TMEM132B: variants seen among roughly 807,000 people sequenced by gnomAD.
The protein encoded by TMEM132B is transmembrane protein 132B.
TMEM132B carries 18 observed loss-of-function variants against 90.8 expected under a neutral mutation model. The observed-to-expected ratio is 0.20, with a 90% CI of 0.14 to 0.29. TMEM132B has a LOEUF of 0.29. TMEM132B is among the 10% of genes least tolerant of loss of function. The pLI, the probability that TMEM132B is intolerant of heterozygous loss-of-function variation, is 1.00. For synonymous variants in TMEM132B, 504 were observed against 523.3 expected (o/e 0.96, Z 0.50); for missense variants, 1,096 against 1,326.8 (o/e 0.83, Z 2.70).
At chr12:125,355,478 T>C (rs1431042100) in intron 2 of TMEM132B, among the ~76,000 whole-genome samples, 2 of 152,174 alleles carry the variant, frequency 1.3e-5, no homozygotes, top group African/African-American at 2.4e-5. Flanking sequence ...CTGGGAGTCA[T>C]TGACCAGGCT....
In TMEM132B at chr12:125,445,978, A is replaced by C. The variant is rs1880996904; in HGVS notation, c.1106+30301A>C. Among the ~76,000 whole-genome samples the C allele has an allele frequency of 6.6e-6, 1 of 151,864 alleles. No homozygotes were observed. Among genetic ancestry groups the C allele is most frequent in the South Asian group, 2.1e-4 (1 of 4,818 alleles). ...GGGCATCCCAGTGGAATTCTCTGCT[A>C]TCCTGGGGGCTGCAACCTCGCTTTC... is the stretch of plus-strand genomic sequence containing the variant. On this transcript the variant is annotated intron_variant, in intron 3 of 8. Transcript: ENST00000682704. This position sits in a 1 kb window ranked among gnomAD's most constrained non-coding sequence, Gnocchi z 4.3.
intron 5 of TMEM132B, among the ~76,000 whole-genome samples, chr12:125,596,151 G>A (rs1885434979): frequency 6.6e-6 from 1 of 152,128 alleles, no homozygotes; most frequent in Non-Finnish European, 1.5e-5. Flanking sequence ...AGATACTCAG[G>A]GGGTTTAGAA....
intron 1 of TMEM132B, among the ~76,000 whole-genome samples, chr12:125,337,322 G>T (rs376079293): frequency 6.6e-6 from 1 of 152,094 alleles, no homozygotes; most frequent in South Asian, 2.1e-4. Context: ...ATAAAAGATT[G>T]CTTCCTGCTC....
chr12:125,575,465 C>A (rs975248370), intron 4 of TMEM132B, among the ~76,000 whole-genome samples: 1 of 150,956 alleles, frequency 6.6e-6, no homozygotes. Context: ...AAACATTAGA[C>A]CCTTATCAAA....
At chr12:125,447,293 A>AGT (rs1881031468) in intron 3 of TMEM132B, among the ~76,000 whole-genome samples, 1 of 151,460 alleles carries the variant, frequency 6.6e-6, no homozygotes, top group African/African-American at 2.4e-5. Flanking sequence ...TTTTTTTTTG[A>AGT]ATTAAATGGA....
At chr12:125,196,945 G>T (rs1222398027) in intron 1 of TMEM132B, among the ~76,000 whole-genome samples, 1 of 152,172 alleles carries the variant, frequency 6.6e-6, no homozygotes, top group East Asian at 1.9e-4. Context: ...CTTGTGGTCT[G>T]TCAGACTCAG....
intron 3 of TMEM132B, among the ~76,000 whole-genome samples, chr12:125,481,224 C>G (rs1280502066): frequency 6.6e-6 from 1 of 152,194 alleles, no homozygotes; most frequent in Non-Finnish European, 1.5e-5. Flanking sequence ...TTCACCACTC[C>G]TATTCAACAC....
intron 1 of TMEM132B, among the ~76,000 whole-genome samples, chr12:125,295,335 A>G (rs1206008548): frequency 6.6e-6 from 1 of 152,132 alleles, no homozygotes; most frequent in African/African-American, 2.4e-5. Flanking sequence ...AAGGTCTGTG[A>G]GCGTCTCCTA....
intron 4 of TMEM132B, among the ~76,000 whole-genome samples, chr12:125,530,701 C>T (rs1025138777): frequency 2.6e-5 from 4 of 152,218 alleles, no homozygotes; most frequent in African/African-American, 9.6e-5. Context: ...CTGTGGCCAC[C>T]TTGCCCTCAT....
chr12:125,372,519 C>A (rs1386973101), intron 2 of TMEM132B, among the ~76,000 whole-genome samples: 1 of 152,138 alleles, frequency 6.6e-6, no homozygotes, highest in Non-Finnish European at 1.5e-5. Flanking sequence ...TTTTTGCCTG[C>A]CCCTGGGATT....
At chr12:125,551,561 A>G (rs961091641) in intron 4 of TMEM132B, among the ~76,000 whole-genome samples, 1 of 150,798 alleles carries the variant, frequency 6.6e-6, no homozygotes, top group African/African-American at 2.4e-5. Context: ...TGACACATCT[A>G]TTTCTGGTTT....
chr12:125,484,689 G>A (rs1882154561), intron 3 of TMEM132B, among the ~76,000 whole-genome samples: 2 of 151,980 alleles, frequency 1.3e-5, no homozygotes, highest in South Asian at 4.1e-4. Flanking sequence ...GGAGTGCAGC[G>A]GTGTGATCAT....
At chr12:125,270,327 T>G (rs1874806420) in intron 1 of TMEM132B, among the ~76,000 whole-genome samples, 1 of 152,030 alleles carries the variant, frequency 6.6e-6, no homozygotes, top group Admixed American at 6.6e-5. Context: ...TTCCCTCTTG[T>G]TAGCATATGA....
chr12:125,465,193 A>G (rs558030016), intron 3 of TMEM132B, among the ~76,000 whole-genome samples: 9 of 152,290 alleles, frequency 5.9e-5, no homozygotes, highest in South Asian at 2.1e-4. Flanking sequence ...CTGGACCTGA[A>G]TTTACTCTGT....
chr12:125,209,134 C>T lies in TMEM132B; in HGVS notation c.67+22268C>T, dbSNP rs949915035. ...TCTGATGTGGCTCTTGCCTGGGAAG[C>T]GGGAGCCAGCAGGTGGTGGTGAGAG... is the stretch of plus-strand genomic sequence containing the variant. On this transcript the variant is annotated intron_variant, in intron 1 of 8. Coordinates refer to ENST00000682704, the MANE Select transcript of TMEM132B (RefSeq NM_001366854.1). This position sits in a 1 kb window ranked among gnomAD's most constrained non-coding sequence, Gnocchi z 4.4. 1.2e-4 allele frequency among the ~76,000 whole-genome samples: 19 copies of T among 152,110 alleles called. No homozygotes were observed. The highest frequency in any genetic ancestry group is 4.3e-4 in the African/African-American group (18 of 41,410).
rs1321857682 is a variant in TMEM132B at position 125,415,645 on chromosome 12, C to T, written c.1074C>T (p.Thr358=). The change falls in exon 3 of 9, where the codon ACC becomes ACT. Residue 358 remains threonine, a synonymous_variant. Coordinates refer to ENST00000682704, the MANE Select transcript of TMEM132B (RefSeq NM_001366854.1). The surrounding 1 kb of genome is among the most constrained non-coding windows in gnomAD (Gnocchi z 5.3). ...NGSTQTSATL[T]CMGHRPDTQS... is the part of the protein sequence containing the mutation. ...GCACTCAGACGTCGGCCACCCTCAC[C>T]TGCATGGGCCATCGCCCGGACACGC... is the stretch of plus-strand genomic sequence containing the variant. 7 of 1,614,080 alleles carry T rather than the reference C, an allele frequency of 4.3e-6. No homozygotes were observed. The African/African-American group carries it at 5.3e-5, about 12-fold the overall frequency.
At chr12:125,195,394 G>A in intron 1 of TMEM132B, among the ~76,000 whole-genome samples, 2 of 89,910 alleles carry the variant, frequency 2.2e-5, no homozygotes, top group South Asian at 9.0e-4. Flanking sequence ...GGGTTTGCGG[G>A]TTTTTTTTTT....
At chr12:125,365,049 A>G (rs2136258408) in intron 2 of TMEM132B, among the ~76,000 whole-genome samples, 1 of 152,034 alleles carries the variant, frequency 6.6e-6, no homozygotes, top group East Asian at 1.9e-4. Context: ...GTAATTACTA[A>G]TGTTACCAGA....
At chr12:125,584,806 G>T (rs1487951939) in intron 5 of TMEM132B, 1 of 152,124 alleles carries the variant, frequency 6.6e-6, no homozygotes, top group Non-Finnish European at 1.5e-5. Flanking sequence ...GGTTGCTATT[G>T]CTTTTGCAGC....
Sources: gnomAD v4.1 joint callset for allele counts (sites outside exome capture counted in the v4.1 genomes callset) on GRCh38, gnomAD v4.1.1 for gene constraint, Gnocchi (gnomAD v3.1) non-coding constraint, MANE v1.5 for transcripts, NCBI Gene and HGNC (gene_info 2026-07-23, HGNC 2026-07-21) for gene names.